The following CSMD1 variants were observed in gnomAD, a reference collection of about 807,000 sequenced individuals.
CSMD1 encodes CUB and sushi domain-containing protein 1.
CSMD1 carries 213 observed loss-of-function variants against 417.5 expected under a neutral mutation model. The ratio of observed to expected loss-of-function variants is 0.51; its 90% CI spans 0.46 to 0.57. CSMD1 has a LOEUF of 0.57. Among genes scored for constraint, CSMD1 ranks in the 20% least tolerant of loss-of-function variants. The pLI, the probability that CSMD1 is intolerant of heterozygous loss-of-function variation, is 0.00. For missense variants in CSMD1, 6,923 were observed against 4,529.7 expected (o/e 1.53, Z -15.17); for synonymous variants, 2,862 against 1,736.8 (o/e 1.65, Z -16.11).
At chr8:3,656,446 G>A (rs1197920023) in intron 7 of CSMD1, among the ~76,000 whole-genome samples, 1 of 152,106 alleles carries the variant, frequency 6.6e-6, no homozygotes, top group Non-Finnish European at 1.5e-5. Flanking sequence ...TTGTGAGAGT[G>A]AAAAGATGGT....
In CSMD1 at chr8:4,592,879, G is replaced by C. The variant is rs139282533; in HGVS notation, c.302+44463C>G. On this transcript the variant is annotated intron_variant, in intron 2 of 69. Coordinates refer to ENST00000635120, the MANE Select transcript of CSMD1 (RefSeq NM_033225.6). ...TCCATATTTATTGATTTTTTCATTT[G>C]CTCCCAAATTCTATGTTAATATTTA... is the stretch of plus-strand genomic sequence containing the variant. Among the ~76,000 whole-genome samples, 74 of 151,792 alleles carry C rather than the reference G, an allele frequency of 4.9e-4. 1 individual carries two copies. In the East Asian group the frequency reaches 0.014, roughly 29 times the overall value.
At chr8:3,087,828 C>A (rs1585316068) in intron 48 of CSMD1, among the ~76,000 whole-genome samples, 1 of 152,220 alleles carries the variant, frequency 6.6e-6, no homozygotes, top group Admixed American at 6.5e-5. Flanking sequence ...TAAATAAGCA[C>A]ATCTGTCACC....
At chr8:3,425,173 T>C (rs1813753890) in intron 12 of CSMD1, among the ~76,000 whole-genome samples, 1 of 152,206 alleles carries the variant, frequency 6.6e-6, no homozygotes, top group Non-Finnish European at 1.5e-5. Flanking sequence ...AGCCTGTCAA[T>C]TAAACTTTAT....
intron 1 of CSMD1, among the ~76,000 whole-genome samples, chr8:4,943,378 C>T (rs1194324090): frequency 2.0e-5 from 3 of 152,066 alleles, no homozygotes; most frequent in South Asian, 4.2e-4. Context: ...CGCCTGTAGT[C>T]CCAGTTACTC....
At chr8:3,307,283 G>C (rs948864657) in intron 25 of CSMD1, among the ~76,000 whole-genome samples, 3 of 151,860 alleles carry the variant, frequency 2.0e-5, no homozygotes, top group Admixed American at 6.6e-5. Flanking sequence ...CAGAAGCCTG[G>C]TGTGCAGGGG....
intron 3 of CSMD1, among the ~76,000 whole-genome samples, chr8:4,346,459 G>A (rs1025540246): frequency 1.8e-4 from 27 of 152,056 alleles, no homozygotes; most frequent in African/African-American, 5.8e-4. Context: ...AAGGCTTGCC[G>A]ATCCTTGATA....
chr8:3,298,719 G>A (rs555277924), intron 25 of CSMD1, among the ~76,000 whole-genome samples: 97 of 152,304 alleles, frequency 6.4e-4, no homozygotes, highest in Admixed American at 2.7e-3. Flanking sequence ...CTCCCAAAGT[G>A]CTAGGATTAC....
At position 4,090,065 on chromosome 8, in the gene CSMD1, G is replaced by A. The variant is rs140123075; in HGVS notation, c.416-57966C>T. Among the ~76,000 whole-genome samples the A allele has an allele frequency of 1.6e-4, 25 of 152,266 alleles. No homozygotes were observed. In the East Asian group the frequency reaches 1.7e-3, roughly 11 times the overall value. ...TTTATCATAGGACATGTAAATTTTC[G>A]AATGAGCAAAACTTAACTTACACTT... On this transcript the variant is annotated intron_variant, in intron 3 of 69. Coordinates refer to ENST00000635120, the MANE Select transcript of CSMD1 (RefSeq NM_033225.6).
chr8:4,653,922 A>C (rs953680136), intron 1 of CSMD1, among the ~76,000 whole-genome samples: 9 of 151,946 alleles, frequency 5.9e-5, no homozygotes, highest in Non-Finnish European at 1.0e-4. Context: ...TTTTTTTTTA[A>C]CCAAAGTATA....
At chr8:3,899,384 C>T (rs187890040) in intron 5 of CSMD1, among the ~76,000 whole-genome samples, 313 of 152,286 alleles carry the variant, frequency 2.1e-3, no homozygotes, top group Non-Finnish European at 2.8e-3. Flanking sequence ...AGTGACTGAA[C>T]ATGACCCATA....
At chr8:3,149,100 A>T (rs1819031960) in intron 40 of CSMD1, among the ~76,000 whole-genome samples, 4 of 152,130 alleles carry the variant, frequency 2.6e-5, no homozygotes, top group Admixed American at 2.0e-4. Context: ...TCTTTCTTTA[A>T]ATAGTTTGTT....
chr8:4,355,960 T>C (rs1407229206), intron 3 of CSMD1, among the ~76,000 whole-genome samples: 1 of 152,224 alleles, frequency 6.6e-6, no homozygotes, highest in African/African-American at 2.4e-5. Flanking sequence ...CATTTTTTTA[T>C]GGATGTTCTT....
At chr8:3,899,821 A>G (rs892909140) in intron 5 of CSMD1, among the ~76,000 whole-genome samples, 16 of 152,260 alleles carry the variant, frequency 1.1e-4, no homozygotes, top group African/African-American at 3.9e-4. Context: ...CTTCAGTATG[A>G]CCCTACCACA....
At position 4,123,008 on chromosome 8, in the gene CSMD1, G is replaced by A. The variant is rs149711337; in HGVS notation, c.416-90909C>T. On this transcript the variant is annotated intron_variant, in intron 3 of 69. Transcript: ENST00000635120. ...GCAAAGACGTGCCACTGAGCTTCCA[G>A]CTTTGACAAATTACAATCAGAGACT... Among the ~76,000 whole-genome samples, 77 of 152,306 alleles carry A rather than the reference G, an allele frequency of 5.1e-4. 3 individuals are homozygous for A. The East Asian group carries it at 6.0e-3, about 12-fold the overall frequency.
intron 3 of CSMD1, among the ~76,000 whole-genome samples, chr8:4,066,101 G>A (rs1008868123): frequency 6.6e-6 from 1 of 152,166 alleles, no homozygotes; most frequent in African/African-American, 2.4e-5. Context: ...AAACAGTTCT[G>A]AGCTTCCCCT....
chr8:4,694,180 C>T (rs762725590), intron 1 of CSMD1, among the ~76,000 whole-genome samples: 4 of 152,154 alleles, frequency 2.6e-5, no homozygotes, highest in African/African-American at 4.8e-5. Flanking sequence ...AGCCTTCCTT[C>T]TGCTCTCTGA....
chr8:3,011,441 T>C (rs1808374659), intron 52 of CSMD1, among the ~76,000 whole-genome samples: 1 of 152,078 alleles, frequency 6.6e-6, no homozygotes. Flanking sequence ...TACAAGGCAA[T>C]TGAAGAATAT....
chr8:3,315,692 G>C (rs1003800678), intron 23 of CSMD1, among the ~76,000 whole-genome samples: 3 of 151,998 alleles, frequency 2.0e-5, no homozygotes, highest in African/African-American at 7.3e-5. Flanking sequence ...TGTTTAAACA[G>C]AAATGTAAAC....
At chr8:4,172,575 T>G (rs1022614105) in intron 3 of CSMD1, among the ~76,000 whole-genome samples, 23 of 152,134 alleles carry the variant, frequency 1.5e-4, no homozygotes, top group Non-Finnish European at 2.9e-5. Flanking sequence ...AATCCAGAAC[T>G]GTATATATGG....
Sources: gnomAD v4.1 joint callset for allele counts (sites outside exome capture counted in the v4.1 genomes callset) on GRCh38, gnomAD v4.1.1 for gene constraint, MANE v1.5 for transcripts, NCBI Gene and HGNC (gene_info 2026-07-23, HGNC 2026-07-21) for gene names.